Variants in USP44 observed in about 807,000 individuals in gnomAD.
USP44 encodes the protein ubiquitin specific peptidase 44, also known as ubiquitin carboxyl-terminal hydrolase 44.
A neutral mutation model predicts 69.0 loss-of-function variants in USP44; 61 were observed. That is an observed-to-expected ratio of 0.88 (90% CI 0.72 to 1.09). The LOEUF (loss-of-function observed/expected upper bound fraction) is 1.09, where lower values mean the gene tolerates loss of function less well. USP44 is among the 50% of genes least tolerant of loss of function. The probability of loss-of-function intolerance (pLI) is 0.00; values close to 1 mark genes in which losing one functional copy is unlikely to be tolerated. For missense variants in USP44, 753 were observed against 849.9 expected (o/e 0.89, Z 1.42); for synonymous variants, 297 against 295.4 (o/e 1.01, Z -0.06).
intron 2 of USP44, 44 bp from the exon 3 acceptor site, chr12:95,529,046 C>G (rs914798398): frequency 8.0e-6 from 12 of 1,508,432 alleles, no homozygotes; most frequent in Non-Finnish European, 9.8e-6. Flanking sequence ...ATCTTTCCAT[C>G]AAAACATTAA....
chr12:95,520,892 C>T lies in USP44; in HGVS notation c.1939+105G>A, dbSNP rs1054533244. On this transcript the variant is annotated intron_variant, in intron 5 of 5. Coordinates refer to ENST00000258499, the MANE Select transcript of USP44 (RefSeq NM_032147.5). ...CATTCTCCCTAAGAAAATAAGTGGT[C>T]GAGTAGCTTTGTTTATGATTTAGTA... The T allele has an allele frequency of 5.9e-6, 6 of 1,011,104 alleles. No homozygotes were observed. In the African/African-American group the frequency reaches 9.6e-5, roughly 16 times the overall value. The allele number at this position is 1,011,104 out of a possible 1,614,324, so 62.6% of individuals were successfully genotyped here.
At chr12:95,528,242 C>T (rs2140261445) in intron 3 of USP44, among the ~76,000 whole-genome samples, 1 of 152,342 alleles carries the variant, frequency 6.6e-6, no homozygotes. Flanking sequence ...TGTCTATCTG[C>T]TTCCTCCATT....
At chr12:95,536,038 CCTTT>C (rs2077190243) in intron 1 of USP44, among the ~76,000 whole-genome samples, 2 of 116,394 alleles carry the variant, frequency 1.7e-5, no homozygotes, top group South Asian at 5.3e-4. Context: ...CCTTTTTTTT[CCTTT>C]TTTTTTTTTT....
intron 1 of USP44, among the ~76,000 whole-genome samples, chr12:95,541,764 A>G (rs985988117): frequency 1.3e-5 from 2 of 152,012 alleles, no homozygotes; most frequent in African/African-American, 4.8e-5. Flanking sequence ...TCTACCTGTC[A>G]TGTGCACGCC....
intron 4 of USP44, among the ~76,000 whole-genome samples, chr12:95,522,815 T>C (rs1207180386): frequency 6.7e-6 from 1 of 148,682 alleles, no homozygotes; most frequent in Non-Finnish European, 1.5e-5. Flanking sequence ...GTCTTTTGTA[T>C]GCTAATGAGA....
chr12:95,527,895 G>C (rs2076900845), intron 3 of USP44, among the ~76,000 whole-genome samples: 1 of 142,620 alleles, frequency 7.0e-6, no homozygotes, highest in Non-Finnish European at 1.5e-5. Flanking sequence ...CTGGAGTGCA[G>C]TGGCACAATC....
Position 95,518,242 on chromosome 12 carries a change from T to A in USP44, c.2051A>T (p.His684Leu), listed in dbSNP as rs2076537658. 1 of 1,614,210 alleles carries A rather than the reference T, an allele frequency of 6.2e-7. No individual in the cohort carries two copies. Among genetic ancestry groups the A allele is most frequent in the Non-Finnish European group, 8.5e-7 (1 of 1,180,024 alleles). Residue 684 changes from histidine to leucine, a missense_variant, in exon 6 of 6, where the codon CAT (histidine) becomes CTT (leucine). Coordinates refer to ENST00000258499, the MANE Select transcript of USP44 (RefSeq NM_032147.5). Reference sequence around the variant, plus strand: ...GAGCTCTGGAGGCAAAAGTTTAGAATGTCCATTCTCAGTAACTCGTTGGGT... The same window carrying A: ...GAGCTCTGGAGGCAAAAGTTTAGAAAGTCCATTCTCAGTAACTCGTTGGGT... ...FYTQRVTENG[H>L]SKLLPPELLL...
intron 3 of USP44, among the ~76,000 whole-genome samples, chr12:95,526,453 T>A (rs1251416572): frequency 6.6e-6 from 1 of 152,104 alleles, no homozygotes; most frequent in Non-Finnish European, 1.5e-5. Context: ...GCGCCTGTAG[T>A]CCCAGCTACT....
chr12:95,541,685 T>C (rs967110988), intron 1 of USP44, among the ~76,000 whole-genome samples: 4 of 152,154 alleles, frequency 2.6e-5, no homozygotes, highest in African/African-American at 9.7e-5. Context: ...TAAAAACGTA[T>C]ACATTTGTCA....
intron 5 of USP44, among the ~76,000 whole-genome samples, chr12:95,519,471 G>A (rs2076581839): frequency 8.6e-6 from 1 of 116,350 alleles, no homozygotes; most frequent in South Asian, 2.8e-4. Flanking sequence ...ATGGAGTCTC[G>A]CTCTGTCACC....
intron 5 of USP44, among the ~76,000 whole-genome samples, chr12:95,519,377 A>G (rs2076574443): frequency 6.6e-6 from 1 of 151,898 alleles, no homozygotes; most frequent in Non-Finnish European, 1.5e-5. Flanking sequence ...AAAAAAATCC[A>G]AAATTCAAAA....
chr12:95,543,282 T>TCCCAG (rs201160820), intron 1 of USP44, among the ~76,000 whole-genome samples: 4,307 of 150,808 alleles, frequency 0.029, 100 homozygotes, highest in South Asian at 0.085. Context: ...GCATCTGTAG[T>TCCCAG]CCCAGCTACT....
At chr12:95,538,583 A>G (rs1046637021) in intron 1 of USP44, among the ~76,000 whole-genome samples, 2 of 152,094 alleles carry the variant, frequency 1.3e-5, no homozygotes, top group South Asian at 2.1e-4. Flanking sequence ...TTAAAAATAG[A>G]CGTGAAACCA....
chr12:95,527,100 T>C (rs989770779), intron 3 of USP44, among the ~76,000 whole-genome samples: 1 of 150,480 alleles, frequency 6.6e-6, no homozygotes, highest in South Asian at 2.1e-4. Context: ...GATCATTCTT[T>C]TTTTTTTTTT....
At chr12:95,536,310 T>A (rs2077202624) in intron 1 of USP44, among the ~76,000 whole-genome samples, 1 of 152,220 alleles carries the variant, frequency 6.6e-6, no homozygotes. Flanking sequence ...CCCAAAGTGC[T>A]AGGATTACAA....
In USP44 at chr12:95,517,558, T is replaced by C. The variant is rs773237521; in HGVS notation, c.*596A>G. 6.6e-6 allele frequency: 1 copy of C among 152,220 alleles called. No homozygotes were observed. The highest frequency in any genetic ancestry group is 6.5e-5 in the Admixed American group (1 of 15,280). 9.4% of individuals were successfully genotyped at this position (152,220 alleles called of 1,614,324 possible). ...TTTGTAAAGCTGCCATTTTCATTTA[T>C]AGTTTGACTATGCCAAAGAGCAATT... On this transcript the variant is annotated 3_prime_UTR_variant, in exon 6 of 6. Coordinates refer to ENST00000258499, the MANE Select transcript of USP44 (RefSeq NM_032147.5).
chr12:95,546,090 C>A (rs2077561340), intron 1 of USP44, among the ~76,000 whole-genome samples: 2 of 152,312 alleles, frequency 1.3e-5, no homozygotes, highest in African/African-American at 4.8e-5. Flanking sequence ...CACCCCCATC[C>A]CTACTTAACA....
chr12:95,543,783 A>T (rs1218726721), intron 1 of USP44, among the ~76,000 whole-genome samples: 3 of 151,476 alleles, frequency 2.0e-5, no homozygotes, highest in Non-Finnish European at 4.4e-5. Flanking sequence ...TGGCTAACAC[A>T]GTGAAACCCT....
At chr12:95,539,357 C>G (rs1023816157) in intron 1 of USP44, among the ~76,000 whole-genome samples, 7 of 151,960 alleles carry the variant, frequency 4.6e-5, no homozygotes, top group African/African-American at 1.7e-4. Flanking sequence ...TCCTGAGTAG[C>G]TGGGACTACA....
Sources: gnomAD v4.1 joint callset for allele counts (sites outside exome capture counted in the v4.1 genomes callset) on GRCh38, gnomAD v4.1.1 for gene constraint, MANE v1.5 for transcripts, NCBI Gene and HGNC (gene_info 2026-07-23, HGNC 2026-07-21) for gene names.